The following AK4 variants were observed in gnomAD, a reference collection of about 807,000 sequenced individuals.
The protein encoded by AK4 is adenylate kinase 4.
Under a neutral mutation model 24.6 loss-of-function variants are expected in AK4, and 13 were observed. The observed-to-expected ratio is 0.53, with a 90% confidence interval of 0.34 to 0.84. The LOEUF (loss-of-function observed/expected upper bound fraction) is 0.84. AK4 is among the 40% of genes least tolerant of loss of function. The probability of loss-of-function intolerance (pLI) is 0.01; values close to 1 mark genes in which losing one functional copy is unlikely to be tolerated. For synonymous variants in AK4, 88 were observed against 107.0 expected (o/e 0.82, Z 1.10); for missense variants, 192 against 288.2 (o/e 0.67, Z 2.42).
chr1:65,199,821 A>G (rs990933599), intron 2 of AK4, among the ~76,000 whole-genome samples: 2 of 152,194 alleles, frequency 1.3e-5, no homozygotes, highest in African/African-American at 2.4e-5. Context: ...CTCTAATCCA[A>G]AAAAATGCAA....
intron 2 of AK4, among the ~76,000 whole-genome samples, chr1:65,203,485 A>G (rs1651725890): frequency 6.6e-6 from 1 of 152,064 alleles, no homozygotes; most frequent in Non-Finnish European, 1.5e-5. Context: ...CACCCCTCAT[A>G]AAGCACATTT....
In AK4 at chr1:65,179,401, G is replaced by T. The variant is rs568275310; in HGVS notation, c.146-11309G>T. On this transcript the variant is annotated intron_variant, in intron 1 of 4. Transcript: ENST00000327299. ...GGCCAACTTGCTTGAAGTTGAGTCT[G>T]GGCTGTATGACTTATTAACTCAGTT... Among the ~76,000 whole-genome samples, 13 of 152,250 alleles carry T rather than the reference G, an allele frequency of 8.5e-5. No homozygotes were observed. The South Asian group carries it at 2.5e-3, about 29-fold the overall frequency.
intron 2 of AK4, among the ~76,000 whole-genome samples, chr1:65,192,496 C>T (rs370913490): frequency 3.3e-5 from 5 of 152,306 alleles, no homozygotes; most frequent in African/African-American, 1.2e-4. Flanking sequence ...ACATTCAAAC[C>T]TTAGCATTCT....
intron 2 of AK4, among the ~76,000 whole-genome samples, chr1:65,212,302 C>CTT (rs1233768121): frequency 2.1e-5 from 3 of 144,590 alleles, no homozygotes; most frequent in Non-Finnish European, 3.1e-5. Flanking sequence ...TTTTAGGATT[C>CTT]TTTTTTTTTT....
chr1:65,190,621 G>C, intron 1 of AK4, 89 bp from the exon 2 acceptor site: 1 of 1,452,154 alleles, frequency 6.9e-7, no homozygotes, highest in Non-Finnish European at 9.4e-7. Flanking sequence ...ACATCAGGAA[G>C]GATGGAGAGA....
chr1:65,172,520 G>A (rs909925391), intron 1 of AK4, among the ~76,000 whole-genome samples: 2 of 152,266 alleles, frequency 1.3e-5, no homozygotes, highest in Non-Finnish European at 2.9e-5. Context: ...TGGAATAGCA[G>A]TATGGAATCA....
chr1:65,191,949 T>G lies in AK4; in HGVS notation c.265+1120T>G, dbSNP rs1002606692. ...AAGAGAGTGGATTGAGGAAAAAGAA[T>G]TGATAGGAGTTGTGGCTGATGTTAG... On this transcript the variant is annotated intron_variant, in intron 2 of 4. Coordinates refer to ENST00000327299, the MANE Select transcript of AK4 (RefSeq NM_013410.4). 2.5e-4 allele frequency among the ~76,000 whole-genome samples: 38 copies of G among 152,068 alleles called. 1 individual carries two copies. The highest frequency in any genetic ancestry group is 1.3e-4 in the Admixed American group (2 of 15,266).
Position 65,176,614 on chromosome 1 carries a change from G to A in AK4, c.146-14096G>A, listed in dbSNP as rs577583037. On this transcript the variant is annotated intron_variant, in intron 1 of 4. Coordinates refer to ENST00000327299, the MANE Select transcript of AK4 (RefSeq NM_013410.4). ...TGTGGTTTAAGGAAAGCTGGTGTGG[G>A]GAGGCTAGTCCTCTACCCTTCACAC... Among the ~76,000 whole-genome samples the A allele has an allele frequency of 1.8e-4, 27 of 152,246 alleles. 1 individual carries two copies. In the South Asian group the frequency reaches 5.4e-3, roughly 30 times the overall value.
intron 1 of AK4, among the ~76,000 whole-genome samples, chr1:65,180,471 T>G (rs1650862351): frequency 6.6e-6 from 1 of 152,236 alleles, no homozygotes; most frequent in African/African-American, 2.4e-5. Flanking sequence ...GGATACTGGA[T>G]GTCTGAAATG....
intron 1 of AK4, among the ~76,000 whole-genome samples, chr1:65,168,553 A>G (rs1210549085): frequency 6.6e-6 from 1 of 151,990 alleles, no homozygotes; most frequent in South Asian, 2.1e-4. Flanking sequence ...CAGGCTCCCA[A>G]AGTACTGGGA....
chr1:65,193,135 C>G (rs1651361668), intron 2 of AK4, among the ~76,000 whole-genome samples: 1 of 152,200 alleles, frequency 6.6e-6, no homozygotes. Flanking sequence ...TGCAGTGGCT[C>G]TGTTCTGCAA....
In AK4 at chr1:65,226,166, G is replaced by A; in HGVS notation, c.661G>A (p.Glu221Lys). 6.2e-7 allele frequency: 1 copy of A among 1,607,222 alleles called. No individual in the cohort carries two copies. Among genetic ancestry groups the A allele is most frequent in the Non-Finnish European group, 8.5e-7 (1 of 1,176,712 alleles). ...SNKITPIQSKEAY is the reference protein window; with the variant it reads ...SNKITPIQSKKAY ...CAAGATCACACCTATTCAGTCCAAA[G>A]AAGCATATTGACCCTGCCCAATGGA... The change falls in exon 5 of 5, where the codon GAA (glutamate) becomes AAA (lysine). Residue 221 changes from glutamate (E) to lysine (K), a missense_variant. By Grantham distance (56) the Glu-to-Lys change is moderately conservative. Coordinates refer to ENST00000327299, the MANE Select transcript of AK4 (RefSeq NM_013410.4).
chr1:65,189,506 G>A (rs1043026341), intron 1 of AK4, among the ~76,000 whole-genome samples: 3 of 151,990 alleles, frequency 2.0e-5, no homozygotes, highest in Non-Finnish European at 2.9e-5. Flanking sequence ...TCATACTCCC[G>A]ATCTCAGGTG....
At chr1:65,206,831 G>A (rs1394013453) in intron 2 of AK4, among the ~76,000 whole-genome samples, 1 of 152,216 alleles carries the variant, frequency 6.6e-6, no homozygotes, top group Non-Finnish European at 1.5e-5. Context: ...GAGGCTTTAA[G>A]CAAGGGGTTT....
chr1:65,172,168 G>A (rs1048393904), intron 1 of AK4, among the ~76,000 whole-genome samples: 4 of 144,494 alleles, frequency 2.8e-5, no homozygotes, highest in Non-Finnish European at 4.5e-5. Flanking sequence ...TAAGCTTTAC[G>A]TTTTTTAAAA....
chr1:65,193,186 C>A (rs1343701897), intron 2 of AK4, among the ~76,000 whole-genome samples: 1 of 152,206 alleles, frequency 6.6e-6, no homozygotes, highest in Non-Finnish European at 1.5e-5. Flanking sequence ...TCATTGAAAT[C>A]TAGGTGGAGG....
At chr1:65,180,569 C>G (rs925646487) in intron 1 of AK4, among the ~76,000 whole-genome samples, 5 of 151,974 alleles carry the variant, frequency 3.3e-5, no homozygotes, top group Admixed American at 6.6e-5. Context: ...TTTTTTTAAC[C>G]AAGGTTTTTT....
At chr1:65,166,774 G>C (rs1650346503) in intron 1 of AK4, among the ~76,000 whole-genome samples, 1 of 152,176 alleles carries the variant, frequency 6.6e-6, no homozygotes, top group Admixed American at 6.5e-5. Flanking sequence ...TCCCACTTTG[G>C]CCTCCCACAG....
At chr1:65,162,324 A>G (rs1013524382) in intron 1 of AK4, among the ~76,000 whole-genome samples, 1 of 152,130 alleles carries the variant, frequency 6.6e-6, no homozygotes, top group Non-Finnish European at 1.5e-5. Context: ...AGTGGAGAGG[A>G]TGCGGGAGGA....
Sources: gnomAD v4.1 joint callset for allele counts (sites outside exome capture counted in the v4.1 genomes callset) on GRCh38, gnomAD v4.1.1 for gene constraint, MANE v1.5 for transcripts, NCBI Gene and HGNC (gene_info 2026-07-23, HGNC 2026-07-21) for gene names.